LARGE1: variants seen among roughly 807,000 people sequenced by gnomAD.
LARGE1 encodes the protein xylosyl- and glucuronyltransferase LARGE1.
Under a neutral mutation model 87.6 loss-of-function variants are expected in LARGE1, and 43 were observed. The observed-to-expected ratio is 0.49, with a 90% CI of 0.38 to 0.63. The LOEUF (loss-of-function observed/expected upper bound fraction) is 0.63, where lower values mean the gene tolerates loss of function less well. LARGE1 is among the 30% of genes least tolerant of loss of function. LARGE1 has a pLI of 0.00. For synonymous variants in LARGE1, 434 were observed against 394.6 expected (o/e 1.10, Z -1.18); for missense variants, 802 against 1,000.2 (o/e 0.80, Z 2.67).
the LARGE1 span, among the ~76,000 whole-genome samples, chr22:33,127,915 A>C: frequency 2.0e-5 from 3 of 152,198 alleles, no homozygotes; most frequent in Admixed American, 6.5e-5. Context: ...CTGTAAGTTA[A>C]TGTTGTTCAT....
intron 11 of LARGE1, among the ~76,000 whole-genome samples, chr22:33,168,468 G>A (rs1420980759): frequency 1.3e-5 from 2 of 152,186 alleles, no homozygotes; most frequent in Non-Finnish European, 2.9e-5. Flanking sequence ...GAAGTCAAAT[G>A]CAGATCAAAA....
intron 11 of LARGE1, among the ~76,000 whole-genome samples, chr22:33,264,952 A>C (rs1287251595): frequency 1.4e-5 from 2 of 139,148 alleles, no homozygotes; most frequent in Admixed American, 7.6e-5. Context: ...CTGGAGTGCA[A>C]TGGCACGATC....
intron 11 of LARGE1, chr22:33,221,688 A>C (rs1323650700): frequency 6.6e-6 from 1 of 152,196 alleles, no homozygotes; most frequent in Non-Finnish European, 1.5e-5. Context: ...TGTTTTTGAA[A>C]ATTCTTGGAA....
intron 6 of LARGE1, among the ~76,000 whole-genome samples, chr22:33,522,338 T>A (rs888790138): frequency 1.3e-5 from 2 of 152,170 alleles, no homozygotes; most frequent in African/African-American, 4.8e-5. Flanking sequence ...GATGTGCTCA[T>A]TTGCACTCCC....
At chr22:33,376,297 A>G (rs1169439970) in intron 9 of LARGE1, among the ~76,000 whole-genome samples, 1 of 152,266 alleles carries the variant, frequency 6.6e-6, no homozygotes, top group African/African-American at 2.4e-5. Context: ...ATTTGCCTAT[A>G]GAGCAAATTG....
chr22:33,457,092 G>A (rs550531378), intron 6 of LARGE1, among the ~76,000 whole-genome samples: 8 of 152,026 alleles, frequency 5.3e-5, no homozygotes, highest in Non-Finnish European at 8.8e-5. Flanking sequence ...ACTTAAGAAT[G>A]TATCTGTCTA....
At chr22:33,348,780 C>T (rs1238202207) in intron 9 of LARGE1, among the ~76,000 whole-genome samples, 8 of 151,964 alleles carry the variant, frequency 5.3e-5, no homozygotes, top group South Asian at 2.1e-4. Flanking sequence ...AGACTGGAAC[C>T]GATATGGTTT....
intron 10 of LARGE1, among the ~76,000 whole-genome samples, chr22:33,330,673 C>G (rs967999418): frequency 2.6e-5 from 4 of 152,206 alleles, no homozygotes; most frequent in Admixed American, 6.5e-5. Flanking sequence ...CTATGAGAGA[C>G]AAGTGGCTGT....
At chr22:33,112,584 T>C in the LARGE1 span, among the ~76,000 whole-genome samples, 1 of 152,190 alleles carries the variant, frequency 6.6e-6, no homozygotes, top group East Asian at 1.9e-4. Flanking sequence ...AAAGGCCCTT[T>C]TCAAGACTGA....
At chr22:33,593,574 T>C (rs1041610818) in intron 5 of LARGE1, among the ~76,000 whole-genome samples, 3 of 152,116 alleles carry the variant, frequency 2.0e-5, no homozygotes, top group Admixed American at 2.0e-4. Flanking sequence ...CCACGTAGTG[T>C]TAAAAGCCAA....
At chr22:33,347,074 C>T (rs1222425880) in intron 9 of LARGE1, among the ~76,000 whole-genome samples, 3 of 152,176 alleles carry the variant, frequency 2.0e-5, no homozygotes, top group Non-Finnish European at 4.4e-5. Flanking sequence ...TTTGCTTACT[C>T]TAGAGTTCTC....
chr22:33,765,865 T>A (rs1197317336), intron 1 of LARGE1, among the ~76,000 whole-genome samples: 1 of 152,312 alleles, frequency 6.6e-6, no homozygotes, highest in South Asian at 2.1e-4. Context: ...CCTCTCTCCA[T>A]CTGCAGAAGT....
intron 1 of LARGE1, among the ~76,000 whole-genome samples, chr22:33,881,524 G>A (rs1191606251): frequency 6.6e-6 from 1 of 152,196 alleles, no homozygotes; most frequent in Non-Finnish European, 1.5e-5. Context: ...GAAGAGAAGT[G>A]TGGTTAAAAG....
intron 3 of LARGE1, among the ~76,000 whole-genome samples, chr22:33,638,684 A>G (rs1159448493): frequency 1.3e-5 from 2 of 152,244 alleles, no homozygotes; most frequent in Non-Finnish European, 2.9e-5. Flanking sequence ...AATAATTATA[A>G]AACCTTTCCT....
intron 6 of LARGE1, among the ~76,000 whole-genome samples, chr22:33,538,469 G>A (rs950935014): frequency 2.0e-5 from 3 of 152,162 alleles, no homozygotes; most frequent in Admixed American, 6.5e-5. Context: ...ATTGAAGCTA[G>A]TTAAAAAATG....
chr22:33,708,930 G>A (rs2082643662), intron 2 of LARGE1, among the ~76,000 whole-genome samples: 1 of 152,086 alleles, frequency 6.6e-6, no homozygotes, highest in African/African-American at 2.4e-5. Flanking sequence ...CCTCTCCTTG[G>A]CCTGCAGCTG....
chr22:33,609,020 C>T (rs778036388), intron 4 of LARGE1, among the ~76,000 whole-genome samples: 14 of 152,126 alleles, frequency 9.2e-5, no homozygotes, highest in Admixed American at 2.0e-4. Flanking sequence ...TTTTTCTCTA[C>T]TACTTTTGCA....
chr22:33,354,790 T>C (rs1383791717), intron 9 of LARGE1, among the ~76,000 whole-genome samples: 2 of 152,232 alleles, frequency 1.3e-5, no homozygotes, highest in East Asian at 3.8e-4. Flanking sequence ...CTTTTTGCAG[T>C]CATAGCCATT....
intron 11 of LARGE1, among the ~76,000 whole-genome samples, chr22:33,305,993 C>T (rs1399280946): frequency 2.0e-5 from 3 of 152,068 alleles, no homozygotes; most frequent in Non-Finnish European, 2.9e-5. Flanking sequence ...CGCCCGCTAC[C>T]ACGCCCGGCT....
Sources: allele counts gnomAD v4.1 joint callset (sites outside exome capture counted in the v4.1 genomes callset), GRCh38; gene constraint gnomAD v4.1.1; transcripts MANE v1.5; gene names NCBI Gene and HGNC (gene_info 2026-07-23, HGNC 2026-07-21).